Variants in DPP6 observed in about 807,000 individuals in gnomAD.
DPP6 encodes A-type potassium channel modulatory protein DPP6.
A neutral mutation model predicts 122.6 loss-of-function variants in DPP6; 69 were observed. That is an observed-to-expected ratio of 0.56 (90% CI 0.46 to 0.69). The LOEUF (loss-of-function observed/expected upper bound fraction) is 0.69. Among genes scored for constraint, DPP6 ranks in the 30% least tolerant of loss-of-function variants. The pLI, the probability that DPP6 is intolerant of heterozygous loss-of-function variation, is 0.00. For synonymous variants in DPP6, 418 were observed against 433.1 expected, an observed-to-expected ratio of 0.97 and a Z score of 0.43; for missense variants, 928 against 1,116.9, an observed-to-expected ratio of 0.83 and a Z score of 2.41.
intron 5 of DPP6, among the ~76,000 whole-genome samples, chr7:154,597,126 A>T (rs1376885467): frequency 6.6e-6 from 1 of 151,708 alleles, no homozygotes; most frequent in Non-Finnish European, 1.5e-5. Flanking sequence ...AGCTGGTGTG[A>T]TTTGAGTACA....
intron 7 of DPP6, among the ~76,000 whole-genome samples, chr7:154,707,705 A>C (rs886985736): frequency 1.3e-5 from 2 of 152,196 alleles, no homozygotes; most frequent in Non-Finnish European, 2.9e-5. Flanking sequence ...TAATAAAGAG[A>C]TACCTGAGAC....
At chr7:153,771,075 A>G in the DPP6 span, among the ~76,000 whole-genome samples, 1 of 152,192 alleles carries the variant, frequency 6.6e-6, no homozygotes, top group South Asian at 2.1e-4. Context: ...GTTAATTAGA[A>G]TTAATTGGTC....
chr7:154,202,226 C>CAG (rs1226525424), intron 1 of DPP6, among the ~76,000 whole-genome samples: 3,454 of 152,250 alleles, frequency 0.023, 126 homozygotes, highest in African/African-American at 0.077. Flanking sequence ...CAAGGCTGGC[C>CAG]ATGCGCTGGG....
chr7:154,617,726 C>G (rs748729845), intron 5 of DPP6, among the ~76,000 whole-genome samples: 3 of 152,118 alleles, frequency 2.0e-5, no homozygotes, highest in Non-Finnish European at 2.9e-5. Context: ...AAGCAAAGAC[C>G]TGCTCCATAC....
chr7:153,938,231 G>T (rs754698701), intron 1 of DPP6, among the ~76,000 whole-genome samples: 3 of 152,062 alleles, frequency 2.0e-5, no homozygotes, highest in Non-Finnish European at 4.4e-5. Context: ...TTTCATCTTC[G>T]TTCTACTCAT....
intron 1 of DPP6, among the ~76,000 whole-genome samples, chr7:153,899,611 A>T (rs988122979): frequency 2.6e-5 from 4 of 152,360 alleles, no homozygotes; most frequent in South Asian, 4.1e-4. Context: ...TTCTCCAAGG[A>T]CCTTGCAAAT....
chr7:154,106,260 G>A (rs1452844588), intron 1 of DPP6, among the ~76,000 whole-genome samples: 2 of 128,408 alleles, frequency 1.6e-5, no homozygotes, highest in African/African-American at 3.1e-5. Flanking sequence ...TCATGTGTCT[G>A]CCTCACTTCT....
intron 3 of DPP6, among the ~76,000 whole-genome samples, chr7:154,531,210 C>A (rs1827814946): frequency 6.6e-6 from 1 of 151,980 alleles, no homozygotes; most frequent in Admixed American, 6.6e-5. Flanking sequence ...AAAAAAGAGA[C>A]CAAAAGAATA....
At chr7:154,440,019 C>T (rs886066830) in intron 1 of DPP6, among the ~76,000 whole-genome samples, 45 of 152,096 alleles carry the variant, frequency 3.0e-4, no homozygotes, top group African/African-American at 9.2e-4. Flanking sequence ...GAGGGGCACC[C>T]GCAGGTTTGT....
intron 3 of DPP6, among the ~76,000 whole-genome samples, chr7:154,482,802 A>G (rs1823424759): frequency 6.6e-6 from 1 of 152,214 alleles, no homozygotes; most frequent in South Asian, 2.1e-4. Context: ...TGAGTGACAA[A>G]TCAGCAGGAG....
chr7:153,838,983 T>C, the DPP6 span, among the ~76,000 whole-genome samples: 4 of 152,154 alleles, frequency 2.6e-5, no homozygotes, highest in Admixed American at 2.0e-4. Flanking sequence ...CTAAACGTTG[T>C]TGAAACTGAT....
At chr7:153,903,758 C>T (rs1048338397) in intron 1 of DPP6, among the ~76,000 whole-genome samples, 15 of 152,040 alleles carry the variant, frequency 9.9e-5, no homozygotes, top group African/African-American at 3.4e-4. Context: ...TGCTGGAAAG[C>T]ACCTCATCTT....
Position 154,662,997 on chromosome 7 carries a change from C to G in DPP6, c.681-6363C>G, listed in dbSNP as rs79192002. The stretch of plus-strand genomic sequence containing the variant: ...TGGTGAATCACCATGGTGTGTTGGC[C>G]CTAGTGTTCACGCAGTCATGGTGAA... On this transcript the variant is annotated intron_variant, in intron 6 of 25. Transcript: ENST00000377770. Among the ~76,000 whole-genome samples, 8 of 60,242 alleles carry G rather than the reference C, an allele frequency of 1.3e-4. 2 individuals are homozygous for G. The allele number at this position is 60,242 out of a possible 152,430, so 39.5% of individuals were successfully genotyped here. A position where few individuals can be genotyped will look rare whatever the true frequency, so the allele number is the denominator to read the frequency against.
At chr7:154,476,090 T>C (rs1361975578) in intron 3 of DPP6, among the ~76,000 whole-genome samples, 1 of 152,224 alleles carries the variant, frequency 6.6e-6, no homozygotes, top group Non-Finnish European at 1.5e-5. Context: ...CAGAAATCAA[T>C]TAACAATGAC....
chr7:153,772,158 A>C, the DPP6 span, among the ~76,000 whole-genome samples: 2 of 152,132 alleles, frequency 1.3e-5, no homozygotes, highest in African/African-American at 4.8e-5. Flanking sequence ...ATCTTGGCTC[A>C]CTGCAACCTC....
At chr7:154,314,608 C>G (rs1186948852) in intron 1 of DPP6, among the ~76,000 whole-genome samples, 1 of 152,228 alleles carries the variant, frequency 6.6e-6, no homozygotes, top group African/African-American at 2.4e-5. Flanking sequence ...AGCCCCAGGG[C>G]ATGGGGGAGC....
At chr7:153,829,190 T>G in the DPP6 span, among the ~76,000 whole-genome samples, 1 of 152,142 alleles carries the variant, frequency 6.6e-6, no homozygotes, top group African/African-American at 2.4e-5. Flanking sequence ...TGTTTTGGCT[T>G]TCGAGGTCTG....
At chr7:154,564,121 G>T (rs540902426) in intron 4 of DPP6, among the ~76,000 whole-genome samples, 14 of 152,272 alleles carry the variant, frequency 9.2e-5, no homozygotes, top group African/African-American at 3.4e-4. Context: ...AGAGAGACTG[G>T]TCATCTGTGT....
At chr7:154,470,615 G>C (rs185819631) in intron 2 of DPP6, among the ~76,000 whole-genome samples, 2 of 152,200 alleles carry the variant, frequency 1.3e-5, no homozygotes, top group Admixed American at 1.3e-4. Context: ...GAAGGGAAAG[G>C]AGGCTGAGAA....
Sources: allele counts gnomAD v4.1 joint callset (sites outside exome capture counted in the v4.1 genomes callset), GRCh38; gene constraint gnomAD v4.1.1; transcripts MANE v1.5; gene names NCBI Gene and HGNC (gene_info 2026-07-23, HGNC 2026-07-21).